The following HELLS variants were observed in gnomAD, a reference collection of about 807,000 sequenced individuals.
HELLS encodes lymphoid-specific helicase.
A neutral mutation model predicts 120.0 loss-of-function variants in HELLS; 32 were observed. The observed-to-expected ratio is 0.27, with a 90% CI of 0.20 to 0.36. HELLS has a LOEUF of 0.36. HELLS is among the 10% of genes least tolerant of loss of function. The pLI is 1.00. For missense variants in HELLS, 650 were observed against 993.4 expected (o/e 0.65, Z 4.65); for synonymous variants, 341 against 323.4 (o/e 1.05, Z -0.58).
chr10:94,607,985 A>G (rs1240536251), exon 9 of HELLS: 3 of 402,094 alleles, frequency 7.5e-6, no homozygotes, highest in Non-Finnish European at 1.5e-5. Context: ...TCGGCCTCCC[A>G]AAGTGCTGGG....
intron 7 of HELLS, among the ~76,000 whole-genome samples, chr10:94,573,518 T>A (rs1258765368): frequency 1.7e-4 from 26 of 152,006 alleles, no homozygotes; most frequent in Admixed American, 1.7e-3. Context: ...CAGGCTGGAG[T>A]GCAGTGGCTG....
chr10:94,588,151 G>C (rs1845274420), intron 12 of HELLS, 78 bp from the exon 13 acceptor site: 2 of 717,874 alleles, frequency 2.8e-6, no homozygotes, highest in African/African-American at 1.8e-5. Context: ...ATAAGGTAAA[G>C]GAGTATATGG....
intron 7 of HELLS, 61 bp downstream of exon 7, chr10:94,571,490 C>A: frequency 7.5e-7 from 1 of 1,338,672 alleles, no homozygotes; most frequent in South Asian, 1.3e-5. Context: ...AGTTACTAGT[C>A]CTTTTTCTTT....
At chr10:94,554,439 A>C (rs1412626063) in intron 3 of HELLS, among the ~76,000 whole-genome samples, 191 bp downstream of exon 3, 1 of 152,174 alleles carries the variant, frequency 6.6e-6, no homozygotes, top group Non-Finnish European at 1.5e-5. Flanking sequence ...GAACTCCAAA[A>C]AATTGTCTTG....
chr10:94,570,285 G>A (rs1472255506), intron 6 of HELLS: 1 of 151,872 alleles, frequency 6.6e-6, no homozygotes, highest in Admixed American at 6.6e-5. Flanking sequence ...TTCATTGGTG[G>A]TATTTATAGA....
At chr10:94,550,602 T>C (rs934184702) in intron 2 of HELLS, among the ~76,000 whole-genome samples, 4 of 151,964 alleles carry the variant, frequency 2.6e-5, no homozygotes, top group African/African-American at 9.7e-5. Flanking sequence ...TTTAAAAATA[T>C]GTGCTGGCCA....
intron 6 of HELLS, chr10:94,570,961 C>T (rs1384422869): frequency 2.4e-5 from 4 of 167,900 alleles, no homozygotes; most frequent in South Asian, 1.7e-4. Flanking sequence ...ATAGACAAAC[C>T]GTAAACAAGT....
intron 6 of HELLS, among the ~76,000 whole-genome samples, chr10:94,564,800 G>A (rs1564586536): frequency 6.6e-6 from 1 of 151,862 alleles, no homozygotes; most frequent in Non-Finnish European, 1.5e-5. Context: ...TTGCCATGTT[G>A]GCCAGGATGG....
At chr10:94,578,644 A>G (rs961716424) in intron 10 of HELLS, among the ~76,000 whole-genome samples, 17 of 152,274 alleles carry the variant, frequency 1.1e-4, no homozygotes, top group Middle Eastern at 3.4e-3. Flanking sequence ...CAGTGAGCCG[A>G]GATCATGCCG....
chr10:94,604,461 G>A (rs1345517569), downstream of HELLS, among the ~76,000 whole-genome samples: 2 of 77,578 alleles, frequency 2.6e-5, no homozygotes, highest in Admixed American at 1.3e-4. Context: ...CCCACCCCCC[G>A]CCACCCCCCA....
At chr10:94,576,459 G>A (rs1844490212) in intron 9 of HELLS, among the ~76,000 whole-genome samples, 1 of 149,860 alleles carries the variant, frequency 6.7e-6, no homozygotes, top group Non-Finnish European at 1.5e-5. Context: ...GCCTGACTTT[G>A]TTTTTTTGTT....
Position 94,601,661 on chromosome 10 carries a change from C to A in HELLS, c.*39C>A, listed in dbSNP as rs753113836. ...AATAGCTTTTAAAAGTTCTTATTTA[C>A]ATCTAGTGATTTCCCTGTATTGGGT... On this transcript the variant is annotated 3_prime_UTR_variant, in exon 22 of 22. Transcript: ENST00000348459. 9.4e-7 allele frequency: 1 copy of A among 1,062,816 alleles called. No individual in the cohort carries two copies. Among genetic ancestry groups the A allele is most frequent in the East Asian group, 2.4e-5 (1 of 41,684 alleles). 65.8% of individuals were successfully genotyped at this position (1,062,816 alleles called of 1,614,324 possible).
chr10:94,581,639 T>C (rs962390514), intron 11 of HELLS, 117 bp downstream of exon 11: 1 of 668,714 alleles, frequency 1.5e-6, no homozygotes, highest in Middle Eastern at 4.0e-4. Flanking sequence ...CTTTGTGGTG[T>C]ATATTGTATG....
At chr10:94,588,478 C>T (rs79144139) in intron 13 of HELLS, 88 bp downstream of exon 13, 16,608 of 966,278 alleles carry the variant, frequency 0.017, 183 homozygotes, top group Non-Finnish European at 0.022. Flanking sequence ...AGGTGTCGCT[C>T]TGTCACCCAG....
chr10:94,557,181 T>G (rs1843313686), intron 3 of HELLS: 1 of 431,262 alleles, frequency 2.3e-6, no homozygotes. Context: ...TCCACTAGAC[T>G]GTTATGAAGA....
intron 19 of HELLS, 55 bp downstream of exon 19, chr10:94,594,909 G>A: frequency 7.4e-7 from 1 of 1,359,760 alleles, no homozygotes; most frequent in Non-Finnish European, 1.0e-6. Flanking sequence ...GTGTGTTGTG[G>A]ATTTTGTTTT....
rs7910469 is a variant in HELLS at position 94,572,786 on chromosome 10, G to A, written c.478-1174G>A. On this transcript the variant is annotated intron_variant, in intron 7 of 21. Coordinates refer to ENST00000348459, the MANE Select transcript of HELLS (RefSeq NM_018063.5). ...AGTAAACACATCATTTTATTCTCTC[G>A]CCAGCAATGTTTGAAAACTCCAGCT... Among the ~76,000 whole-genome samples the A allele has an allele frequency of 8.6e-3, 1,310 of 152,046 alleles. 18 individuals carry two copies. The highest frequency in any genetic ancestry group is 0.03 in the African/African-American group (1,253 of 41,472).
chr10:94,569,113 T>G (rs1843993036), intron 6 of HELLS: 1 of 152,156 alleles, frequency 6.6e-6, no homozygotes, highest in African/African-American at 2.4e-5. Flanking sequence ...GTGCTGGGAT[T>G]AGAGGCATAA....
chr10:94,612,979 C>T (rs1477684141), exon 10 of HELLS: 3 of 152,154 alleles, frequency 2.0e-5, no homozygotes, highest in African/African-American at 4.8e-5. Context: ...GATGTGCTAC[C>T]TCTAATGTTC....
Sources: allele counts gnomAD v4.1 joint callset (sites outside exome capture counted in the v4.1 genomes callset), GRCh38; gene constraint gnomAD v4.1.1; transcripts MANE v1.5; gene names NCBI Gene and HGNC (gene_info 2026-07-23, HGNC 2026-07-21).